Variants in SNTG1 observed in about 807,000 individuals in gnomAD.
The protein encoded by SNTG1 is gamma-1-syntrophin.
SNTG1 carries 39 observed loss-of-function variants against 74.7 expected under a neutral mutation model. The observed-to-expected ratio is 0.52, with a 90% CI of 0.40 to 0.68. The LOEUF is 0.68. Among genes scored for constraint, SNTG1 ranks in the 30% least tolerant of loss-of-function variants. SNTG1 has a pLI of 0.00. For missense variants in SNTG1, 685 were observed against 609.5 expected (o/e 1.12, Z -1.30); for synonymous variants, 254 against 217.1 (o/e 1.17, Z -1.49).
chr8:50,111,646 T>C (rs910234983), intron 1 of SNTG1, among the ~76,000 whole-genome samples: 3 of 152,120 alleles, frequency 2.0e-5, no homozygotes, highest in Non-Finnish European at 2.9e-5. Context: ...TACCCCTCCA[T>C]TAAAACTCTT....
chr8:50,484,118 T>TCTTTCTTTCTC, intron 8 of SNTG1, among the ~76,000 whole-genome samples: 1 of 111,768 alleles, frequency 8.9e-6, no homozygotes, highest in East Asian at 2.7e-4. Context: ...CTTTCTTTCT[T>TCTTTCTTTCTC]TCTTTCTTTC....
intron 1 of SNTG1, among the ~76,000 whole-genome samples, chr8:50,089,595 A>T (rs1042907718): frequency 1.3e-4 from 20 of 152,214 alleles, no homozygotes; most frequent in African/African-American, 4.8e-4. Flanking sequence ...AAGTGGGCGA[A>T]AGACATGAAC....
In SNTG1 at chr8:50,148,026, G is replaced by C. The variant is rs567567106; in HGVS notation, c.-102-24535G>C. 5.3e-5 allele frequency among the ~76,000 whole-genome samples: 8 copies of C among 152,254 alleles called. No homozygotes were observed. In the South Asian group the frequency reaches 1.7e-3, roughly 32 times the overall value. ...AATAAAGATCAGGTTATATCAGAAGGACATGGGACCCAATCTGAAAGAACT... is the reference window on the plus strand; with the variant it reads ...AATAAAGATCAGGTTATATCAGAAGCACATGGGACCCAATCTGAAAGAACT... On this transcript the variant is annotated intron_variant, in intron 1 of 18. Coordinates refer to ENST00000642720, the MANE Select transcript of SNTG1 (RefSeq NM_018967.5).
intron 2 of SNTG1, among the ~76,000 whole-genome samples, chr8:50,334,605 TG>T (rs1198400444): frequency 6.6e-6 from 1 of 151,890 alleles, no homozygotes; most frequent in Admixed American, 6.6e-5. Flanking sequence ...AAGACTAACC[TG>T]GGAGAACATG....
At chr8:49,996,250 G>C (rs1013800476) in intron 1 of SNTG1, among the ~76,000 whole-genome samples, 1 of 151,998 alleles carries the variant, frequency 6.6e-6, no homozygotes, top group African/African-American at 2.4e-5. Flanking sequence ...TTTTGTAAGA[G>C]AGGAGAAAAG....
chr8:50,117,074 G>T (rs1285108989), intron 1 of SNTG1, among the ~76,000 whole-genome samples: 1 of 151,902 alleles, frequency 6.6e-6, no homozygotes, highest in African/African-American at 2.4e-5. Flanking sequence ...TAACATCACG[G>T]TTTACATTTT....
chr8:50,780,983 G>A (rs902132964), intron 18 of SNTG1, among the ~76,000 whole-genome samples: 3 of 152,158 alleles, frequency 2.0e-5, no homozygotes, highest in Non-Finnish European at 2.9e-5. Flanking sequence ...TTCAGGAGCA[G>A]GTTGTTCAGT....
chr8:50,573,607 T>C (rs915486819), intron 12 of SNTG1, among the ~76,000 whole-genome samples: 2 of 151,830 alleles, frequency 1.3e-5, no homozygotes, highest in Admixed American at 1.3e-4. Flanking sequence ...AACAATATAG[T>C]TTATAAATTT....
At chr8:50,399,907 G>C (rs1419429815) in intron 3 of SNTG1, among the ~76,000 whole-genome samples, 1 of 152,108 alleles carries the variant, frequency 6.6e-6, no homozygotes, top group Non-Finnish European at 1.5e-5. Context: ...CTAATGCCAT[G>C]GATGAAGAAA....
At chr8:50,471,902 C>G (rs891539193) in intron 8 of SNTG1, among the ~76,000 whole-genome samples, 4 of 151,980 alleles carry the variant, frequency 2.6e-5, no homozygotes, top group Non-Finnish European at 5.9e-5. Flanking sequence ...AGTTGGATTT[C>G]TATACACTAA....
At chr8:50,213,135 C>A (rs1159456976) in intron 2 of SNTG1, among the ~76,000 whole-genome samples, 2 of 152,168 alleles carry the variant, frequency 1.3e-5, no homozygotes, top group African/African-American at 2.4e-5. Context: ...ATCGAAAATT[C>A]TCAGACAGGC....
intron 1 of SNTG1, among the ~76,000 whole-genome samples, chr8:49,998,286 G>C (rs180926956): frequency 1.6e-3 from 246 of 152,296 alleles, no homozygotes; most frequent in Middle Eastern, 6.8e-3. Flanking sequence ...GTGACTGAAT[G>C]TGAAGGCCTA....
At chr8:50,645,305 T>C (rs532738078) in intron 13 of SNTG1, among the ~76,000 whole-genome samples, 1 of 152,110 alleles carries the variant, frequency 6.6e-6, no homozygotes, top group African/African-American at 2.4e-5. Flanking sequence ...TTAGTTTTTC[T>C]ATTTTTTATT....
chr8:50,008,004 C>T (rs1191313954), intron 1 of SNTG1, among the ~76,000 whole-genome samples: 5 of 151,970 alleles, frequency 3.3e-5, no homozygotes, highest in Admixed American at 6.6e-5. Flanking sequence ...ATCATGAGAG[C>T]GGCATGGGGG....
In SNTG1 at chr8:50,523,376, T is replaced by G. The variant is rs1279110340; in HGVS notation, c.467-6801T>G. Among the ~76,000 whole-genome samples the G allele has an allele frequency of 2.0e-5, 3 of 152,252 alleles. No homozygotes were observed. The East Asian group carries it at 5.8e-4, about 29-fold the overall frequency. On this transcript the variant is annotated intron_variant, in intron 9 of 18. Transcript: ENST00000642720. The stretch of plus-strand genomic sequence containing the variant: ...CAGAAGAGGCTAAGCTTTTGGCTTA[T>G]CTTGGCTTTCAATATGACTTCTTCA...
At chr8:49,949,320 TA>T (rs1049710388) in intron 1 of SNTG1, among the ~76,000 whole-genome samples, 2 of 152,174 alleles carry the variant, frequency 1.3e-5, no homozygotes, top group African/African-American at 4.8e-5. Flanking sequence ...TATTTTATTT[TA>T]AAAAAATAAT....
intron 1 of SNTG1, among the ~76,000 whole-genome samples, chr8:49,956,496 C>T (rs1295730400): frequency 1.3e-5 from 2 of 152,154 alleles, no homozygotes; most frequent in Non-Finnish European, 2.9e-5. Context: ...GGGTCATGTA[C>T]AGCCAGGCAG....
intron 4 of SNTG1, among the ~76,000 whole-genome samples, chr8:50,405,635 GTTT>G (rs1262620324): frequency 6.6e-6 from 1 of 152,036 alleles, no homozygotes; most frequent in Non-Finnish European, 1.5e-5. Flanking sequence ...ATGCACAAAA[GTTT>G]TTAATTTTAA....
At chr8:50,098,382 C>T (rs1465594224) in intron 1 of SNTG1, among the ~76,000 whole-genome samples, 1 of 152,152 alleles carries the variant, frequency 6.6e-6, no homozygotes, top group Non-Finnish European at 1.5e-5. Context: ...TAAATTGCAT[C>T]TATACTGAAG....
Sources: gnomAD v4.1 joint callset for allele counts (sites outside exome capture counted in the v4.1 genomes callset) on GRCh38, gnomAD v4.1.1 for gene constraint, MANE v1.5 for transcripts, NCBI Gene and HGNC (gene_info 2026-07-23, HGNC 2026-07-21) for gene names.